The following COL4A4 variants were observed in gnomAD, a reference collection of about 807,000 sequenced individuals.
COL4A4 encodes the protein collagen alpha-4(IV) chain.
COL4A4 carries 105 observed loss-of-function variants against 192.9 expected under a neutral mutation model. That is an observed-to-expected ratio of 0.54 (90% confidence interval 0.46 to 0.64). The LOEUF (loss-of-function observed/expected upper bound fraction) is 0.64, where lower values mean the gene tolerates loss of function less well. COL4A4 is among the 30% of genes least tolerant of loss of function. COL4A4 has a pLI of 0.00. For synonymous variants in COL4A4, 762 were observed against 769.9 expected, an observed-to-expected ratio of 0.99 and a Z score of 0.17; for missense variants, 1,967 against 2,169.3, an observed-to-expected ratio of 0.91 and a Z score of 1.85.
intron 1 of COL4A4, among the ~76,000 whole-genome samples, chr2:227,155,393 G>A (rs1018326879): frequency 2.2e-4 from 33 of 152,214 alleles, no homozygotes; most frequent in African/African-American, 7.0e-4. Context: ...GTCACTTCTC[G>A]GAACCACAAG....
At chr2:227,081,485 T>G (rs1295688694) in intron 23 of COL4A4, among the ~76,000 whole-genome samples, 1 of 152,180 alleles carries the variant, frequency 6.6e-6, no homozygotes, top group African/African-American at 2.4e-5. Context: ...GGCCACACTG[T>G]TGGCTTCCCT....
At chr2:227,008,571 T>C (rs1962756331) in intron 46 of COL4A4, among the ~76,000 whole-genome samples, 1 of 152,178 alleles carries the variant, frequency 6.6e-6, no homozygotes, top group Non-Finnish European at 1.5e-5. Flanking sequence ...AGGAAGCTCA[T>C]GGCCTAGCAG....
intron 34 of COL4A4, 51 bp from the exon 35 acceptor site, chr2:227,047,600 C>A (rs1973153558): frequency 3.1e-6 from 4 of 1,270,136 alleles, no homozygotes; most frequent in Non-Finnish European, 4.6e-6. Context: ...TTAATTTGGT[C>A]TCATACAGGT....
At chr2:227,041,872 A>AAG (rs1243282932) in intron 37 of COL4A4, among the ~76,000 whole-genome samples, 4 of 128,594 alleles carry the variant, frequency 3.1e-5, no homozygotes, top group Admixed American at 7.5e-5. Context: ...GAAAGAAAGA[A>AAG]AGAAAGAAAG....
chr2:227,018,130 G>A (rs977851615), intron 44 of COL4A4, among the ~76,000 whole-genome samples: 2 of 152,108 alleles, frequency 1.3e-5, no homozygotes, highest in Non-Finnish European at 2.9e-5. Context: ...CTTTCCTTAA[G>A]GCTCTGCTCA....
At chr2:227,060,735 T>A (rs896333262) in intron 26 of COL4A4, among the ~76,000 whole-genome samples, 3 of 151,676 alleles carry the variant, frequency 2.0e-5, no homozygotes, top group African/African-American at 7.3e-5. Context: ...ATTTTTTTTT[T>A]TTTTTTTTTT....
At chr2:227,109,046 C>T (rs950689375) in intron 10 of COL4A4, 178 bp from the exon 11 acceptor site, 25 of 878,048 alleles carry the variant, frequency 2.8e-5, no homozygotes, top group Non-Finnish European at 4.9e-5. Flanking sequence ...AGTGGCTCAT[C>T]CGCAGGGACC....
rs1334079530 is a variant in COL4A4 at position 227,050,072 on chromosome 2, A to C, written c.3210T>G (p.Pro1070=). 1.5e-5 allele frequency: 24 copies of C among 1,613,914 alleles called. No individual in the cohort carries two copies. In the East Asian group the frequency reaches 5.3e-4, roughly 36 times the overall value. The change falls in exon 34 of 48, where the codon CCT becomes CCG. Residue 1070 remains proline (P), a synonymous_variant. Transcript: ENST00000396625. ...TTCTGTATCTCCAAACCATACCTTTAGGTCCTCTTGCTCCATCAATTCCTG... is the reference window on the plus strand; with the variant it reads ...TTCTGTATCTCCAAACCATACCTTTCGGTCCTCTTGCTCCATCAATTCCTG... ...GFSGIDGARG[P]KGNKGDPASH... is the part of the protein sequence containing the mutation.
chr2:227,099,610 G>C lies in COL4A4; in HGVS notation c.1099+10C>G. 6.2e-7 allele frequency: 1 copy of C among 1,613,500 alleles called. No homozygotes were observed. Among genetic ancestry groups the C allele is most frequent in the Non-Finnish European group, 8.5e-7 (1 of 1,179,442 alleles). ...CATAATTTATGGAGGAACTGAATAGGAACACAAACCTTTGAGTGGAAGAGG... is the reference window on the plus strand; with the variant it reads ...CATAATTTATGGAGGAACTGAATAGCAACACAAACCTTTGAGTGGAAGAGG... On this transcript the variant is annotated intron_variant, in intron 18 of 47. Transcript: ENST00000396625.
In COL4A4 at chr2:227,025,779, A is replaced by T. The variant is rs769366490; in HGVS notation, c.4090+23T>A. Reference sequence around the variant, plus strand: ...CTAGAAACCAGAGTGAGGGGAAATTACCAATTTTATAGCAAAGCTTACCTC... The same window carrying T: ...CTAGAAACCAGAGTGAGGGGAAATTTCCAATTTTATAGCAAAGCTTACCTC... On this transcript the variant is annotated intron_variant, in intron 43 of 47. Transcript: ENST00000396625. 38 of 1,609,452 alleles carry T rather than the reference A, an allele frequency of 2.4e-5. 1 individual carries two copies. The South Asian group carries it at 4.2e-4, about 18-fold the overall frequency.
At chr2:227,067,470 A>G (rs1203170195) in intron 25 of COL4A4, among the ~76,000 whole-genome samples, 1 of 152,206 alleles carries the variant, frequency 6.6e-6, no homozygotes, top group Non-Finnish European at 1.5e-5. Flanking sequence ...CTTGGAAGTA[A>G]AGCATTCCTC....
intron 1 of COL4A4, among the ~76,000 whole-genome samples, chr2:227,156,855 T>C (rs1233337216): frequency 6.6e-6 from 1 of 152,066 alleles, no homozygotes; most frequent in Non-Finnish European, 1.5e-5. Flanking sequence ...AACTGCAAAA[T>C]TGAAGGAAAA....
At chr2:226,981,257 C>T in the COL4A4 span, among the ~76,000 whole-genome samples, 1 of 152,094 alleles carries the variant, frequency 6.6e-6, no homozygotes, top group Non-Finnish European at 1.5e-5. Context: ...GGGAGAAATA[C>T]CTAATGTAAA....
At chr2:226,979,120 CAAAG>C in the COL4A4 span, among the ~76,000 whole-genome samples, 1 of 152,068 alleles carries the variant, frequency 6.6e-6, no homozygotes, top group Non-Finnish European at 1.5e-5. Flanking sequence ...AGCCTCAAAA[CAAAG>C]GAAACCTGCA....
chr2:226,978,449 C>T, the COL4A4 span, among the ~76,000 whole-genome samples: 2 of 152,186 alleles, frequency 1.3e-5, no homozygotes, highest in African/African-American at 4.8e-5. Context: ...GATCTGACCC[C>T]TGGACATATG....
At chr2:227,155,209 T>C (rs2064241640) in intron 1 of COL4A4, among the ~76,000 whole-genome samples, 1 of 150,604 alleles carries the variant, frequency 6.6e-6, no homozygotes, top group South Asian at 2.1e-4. Context: ...CAGATTCAGC[T>C]GAACTGTTTG....
At chr2:226,968,573 T>C in the COL4A4 span, among the ~76,000 whole-genome samples, 4 of 152,316 alleles carry the variant, frequency 2.6e-5, no homozygotes, top group Middle Eastern at 3.4e-3. Context: ...TAGTGTTTAA[T>C]TGAATAACCT....
chr2:227,152,869 G>A (rs1213204307), intron 1 of COL4A4, among the ~76,000 whole-genome samples: 1 of 152,238 alleles, frequency 6.6e-6, no homozygotes, highest in Non-Finnish European at 1.5e-5. Context: ...GTTTCTGTTC[G>A]AGTCTATCAC....
Position 227,082,375 on chromosome 2 carries a change from C to T in COL4A4, c.1624-188G>A, listed in dbSNP as rs111997909. Among the ~76,000 whole-genome samples the T allele has an allele frequency of 0.022, 3,275 of 152,228 alleles. 118 individuals are homozygous for T. Among genetic ancestry groups the T allele is most frequent in the African/African-American group, 0.074 (3,065 of 41,502 alleles). On this transcript the variant is annotated intron_variant, in intron 22 of 47. Coordinates refer to ENST00000396625, the MANE Select transcript of COL4A4 (RefSeq NM_000092.5). ...GTCTTGCAAAGCTGGGGCTCTTGAA[C>T]TACATGTCAAATGTAAAAGCTGGTG...
Sources: allele counts gnomAD v4.1 joint callset (sites outside exome capture counted in the v4.1 genomes callset), GRCh38; gene constraint gnomAD v4.1.1; transcripts MANE v1.5; gene names NCBI Gene and HGNC (gene_info 2026-07-23, HGNC 2026-07-21).